The following NHLRC2 variants were observed in gnomAD, a reference collection of about 807,000 sequenced individuals.
NHLRC2 encodes the protein NHL repeat-containing protein 2.
In NHLRC2, 33 loss-of-function variants were observed where a neutral mutation model predicts 68.1. That is an observed-to-expected ratio of 0.48 (90% CI 0.37 to 0.65). The LOEUF (loss-of-function observed/expected upper bound fraction) is 0.65. NHLRC2 is among the 30% of genes least tolerant of loss of function. The probability of loss-of-function intolerance (pLI) is 0.00; values close to 1 mark genes in which losing one functional copy is unlikely to be tolerated. For synonymous variants in NHLRC2, 311 were observed against 309.6 expected, an observed-to-expected ratio of 1.00 and a Z score of -0.05; for missense variants, 761 against 853.8, an observed-to-expected ratio of 0.89 and a Z score of 1.35.
intron 5 of NHLRC2, among the ~76,000 whole-genome samples, chr10:113,887,530 G>T (rs763882996): frequency 2.6e-5 from 4 of 152,150 alleles, no homozygotes; most frequent in Non-Finnish European, 5.9e-5. Flanking sequence ...AGCACTTTGG[G>T]AGGCTGAGGC....
In NHLRC2 at chr10:113,912,133, A is replaced by G. The variant is rs576924371; in HGVS notation, c.*3597A>G. On this transcript the variant is annotated 3_prime_UTR_variant, in exon 11 of 11. Coordinates refer to ENST00000369301, the MANE Select transcript of NHLRC2 (RefSeq NM_198514.4). ...TTATTTTTATTGTGTAACGTAGTGT[A>G]GTGGTTAAGAGCTTGGATTTTGCAG... 6 of 152,238 alleles carry G rather than the reference A, an allele frequency of 3.9e-5. No individual in the cohort carries two copies. The highest frequency in any genetic ancestry group is 8.8e-5 in the Non-Finnish European group (6 of 68,018). The allele number at this position is 152,238 out of a possible 1,614,324, so 9.4% of individuals were successfully genotyped here. A position where few individuals can be genotyped will look rare whatever the true frequency, so the allele number is the denominator to read the frequency against.
intron 1 of NHLRC2, among the ~76,000 whole-genome samples, chr10:113,857,787 A>C (rs934035341): frequency 5.9e-5 from 9 of 152,252 alleles, no homozygotes; most frequent in Admixed American, 4.6e-4. Flanking sequence ...CTGTGACAAT[A>C]ATAAGTGTAT....
At chr10:113,871,770 C>T (rs963608224) in intron 2 of NHLRC2, among the ~76,000 whole-genome samples, 9 of 152,074 alleles carry the variant, frequency 5.9e-5, no homozygotes, top group African/African-American at 2.2e-4. Flanking sequence ...CCCCACTGTC[C>T]CTCCCCTCTG....
chr10:113,896,822 G>A (rs960630471), intron 5 of NHLRC2, among the ~76,000 whole-genome samples: 6 of 151,630 alleles, frequency 4.0e-5, no homozygotes, highest in Admixed American at 6.6e-5. Flanking sequence ...GTGAAACCCC[G>A]TCTCTACTAA....
chr10:113,902,573 G>A lies in NHLRC2; in HGVS notation c.1474G>A (p.Ala492Thr), dbSNP rs754855430. Residue 492 changes from alanine to threonine, a missense_variant, in exon 8 of 11, where the codon GCA becomes ACA. Ala to Thr is a moderately conservative substitution (Grantham distance 58). Transcript: ENST00000369301. ...CAAAAAAAGGAATTTACTTTATGTTGCAGACTCCTACAATCACAAGGTGAG... is the reference window on the plus strand; with the variant it reads ...CAAAAAAAGGAATTTACTTTATGTTACAGACTCCTACAATCACAAGGTGAG... ...WDKKRNLLYV[A>T]DSYNHKIKVV... 1.2e-6 allele frequency: 2 copies of A among 1,606,274 alleles called. No individual in the cohort carries two copies. The highest frequency in any genetic ancestry group is 1.7e-4 in the Middle Eastern group (1 of 6,040).
At chr10:113,873,518 C>T (rs1273663221) in intron 2 of NHLRC2, among the ~76,000 whole-genome samples, 1 of 152,084 alleles carries the variant, frequency 6.6e-6, no homozygotes, top group Admixed American at 6.5e-5. Flanking sequence ...GAGGCTGTTG[C>T]TTTTGTGTGC....
At chr10:113,863,260 A>G (rs1361164596) in intron 2 of NHLRC2, among the ~76,000 whole-genome samples, 6 of 152,214 alleles carry the variant, frequency 3.9e-5, no homozygotes, top group Non-Finnish European at 8.8e-5. Context: ...AAAGATAAAT[A>G]TTAAAGTATC....
At chr10:113,902,045 G>T (rs1846234169) in intron 7 of NHLRC2, 148 bp downstream of exon 7, 8 of 602,860 alleles carry the variant, frequency 1.3e-5, no homozygotes, top group Non-Finnish European at 1.2e-5. Flanking sequence ...AAATGTGAAT[G>T]TAAAGCAACG....
intron 1 of NHLRC2, among the ~76,000 whole-genome samples, chr10:113,855,506 C>T (rs985317573): frequency 6.6e-6 from 1 of 151,806 alleles, no homozygotes; most frequent in Non-Finnish European, 1.5e-5. Context: ...CTCGCTCTGT[C>T]TCCCAGGCTG....
intron 3 of NHLRC2, among the ~76,000 whole-genome samples, chr10:113,877,563 C>A (rs1845996011): frequency 6.6e-6 from 1 of 152,044 alleles, no homozygotes; most frequent in African/African-American, 2.4e-5. Flanking sequence ...TGTTCTATAT[C>A]TCCCTGGTCT....
chr10:113,885,528 AC>A (rs1013813937), intron 5 of NHLRC2, among the ~76,000 whole-genome samples: 15 of 151,868 alleles, frequency 9.9e-5, no homozygotes, highest in African/African-American at 2.2e-4. Flanking sequence ...CTAAATCTTC[AC>A]CAGTACTTTT....
At chr10:113,864,042 G>T (rs1202666502) in intron 2 of NHLRC2, among the ~76,000 whole-genome samples, 1 of 152,198 alleles carries the variant, frequency 6.6e-6, no homozygotes, top group African/African-American at 2.4e-5. Flanking sequence ...ACAGTGGAAT[G>T]TTATTCAACC....
intron 5 of NHLRC2, among the ~76,000 whole-genome samples, chr10:113,885,942 A>G (rs1846078669): frequency 6.6e-6 from 1 of 152,044 alleles, no homozygotes; most frequent in African/African-American, 2.4e-5. Context: ...TGGGAAAAGA[A>G]AAGTGAAATT....
Position 113,858,629 on chromosome 10 carries a change from A to G in NHLRC2, c.280A>G (p.Ile94Val), listed in dbSNP as rs1333026490. 6.2e-7 allele frequency: 1 copy of G among 1,610,998 alleles called. No homozygotes were observed. The highest frequency in any genetic ancestry group is 8.5e-7 in the Non-Finnish European group (1 of 1,177,188). Residue 94 changes from isoleucine to valine, a missense_variant, in exon 2 of 11, where the codon ATT becomes GTT. Coordinates refer to ENST00000369301, the MANE Select transcript of NHLRC2 (RefSeq NM_198514.4). ...DFFTYCCINC[I>V]HLLPDLHALE... ...CTTCACCTACTGCTGCATAAACTGT[A>G]TTCACCTATTGCCTGATCTCCATGC...
At chr10:113,903,903 T>C (rs1846250471) in intron 9 of NHLRC2, among the ~76,000 whole-genome samples, 167 bp downstream of exon 9, 1 of 152,108 alleles carries the variant, frequency 6.6e-6, no homozygotes, top group Non-Finnish European at 1.5e-5. Context: ...GCTTTAAGGA[T>C]ATCCTTTTAT....
intron 5 of NHLRC2, 30 bp downstream of exon 5, chr10:113,884,410 G>C (rs1189824686): frequency 2.5e-6 from 4 of 1,579,608 alleles, no homozygotes; most frequent in Admixed American, 1.7e-5. Context: ...TAAATGTAAA[G>C]GTAAATTTTA....
In NHLRC2 at chr10:113,913,266, A is replaced by G. The variant is rs970922971; in HGVS notation, c.*4730A>G. On this transcript the variant is annotated 3_prime_UTR_variant, in exon 11 of 11. Transcript: ENST00000369301. ...TAAAGTAGGTTTTCTTAAAACATAA[A>G]TCTTTCATAACTTTATATATTTATA... 6.6e-6 allele frequency: 1 copy of G among 152,196 alleles called. No individual in the cohort carries two copies. The highest frequency in any genetic ancestry group is 1.5e-5 in the Non-Finnish European group (1 of 68,032). 9.4% of individuals were successfully genotyped at this position (152,196 alleles called of 1,614,324 possible).
chr10:113,854,983 G>A lies in NHLRC2; in HGVS notation c.111G>A (p.Leu37=), dbSNP rs1049024134. 1.3e-6 allele frequency: 2 copies of A among 1,553,402 alleles called. No individual in the cohort carries two copies. The highest frequency in any genetic ancestry group is 1.4e-5 in the African/African-American group (1 of 73,172). Residue 37 remains leucine (L), a synonymous_variant, in exon 1 of 11, where the codon CTG becomes CTA. Coordinates refer to ENST00000369301, the MANE Select transcript of NHLRC2 (RefSeq NM_198514.4). The part of the protein sequence containing the change: ...DAVTQQEKDS[L]VYQYLQKVDG... The stretch of plus-strand genomic sequence containing the variant: ...TTACCCAGCAGGAGAAGGACAGCCT[G>A]GTCTACCAGTATCTGCAGAAGGTGG...
chr10:113,859,292 T>G (rs985218666), intron 2 of NHLRC2, among the ~76,000 whole-genome samples: 2 of 152,054 alleles, frequency 1.3e-5, no homozygotes, highest in Non-Finnish European at 2.9e-5. Flanking sequence ...TTAATCAAAT[T>G]TTTTTTGTCT....
Sources: gnomAD v4.1 joint callset for allele counts (sites outside exome capture counted in the v4.1 genomes callset) on GRCh38, gnomAD v4.1.1 for gene constraint, MANE v1.5 for transcripts, NCBI Gene and HGNC (gene_info 2026-07-23, HGNC 2026-07-21) for gene names.